The following POC1A variants were observed in gnomAD, a reference collection of about 807,000 sequenced individuals.
The protein encoded by POC1A is POC1 centriolar protein A.
POC1A carries 34 observed loss-of-function variants against 47.8 expected under a neutral mutation model. That is an observed-to-expected ratio of 0.71 (90% CI 0.54 to 0.95). The LOEUF is 0.95. Among genes scored for constraint, POC1A ranks in the 40% least tolerant of loss-of-function variants. The pLI, the probability that POC1A is intolerant of heterozygous loss-of-function variation, is 0.00. For missense variants in POC1A, 466 were observed against 528.3 expected (o/e 0.88, Z 1.16); for synonymous variants, 177 against 207.6 (o/e 0.85, Z 1.27).
chr3:52,154,375 C>A lies in POC1A; in HGVS notation c.-3G>T. 1 of 1,487,154 alleles carries A rather than the reference C, an allele frequency of 6.7e-7. No homozygotes were observed. The highest frequency in any genetic ancestry group is 2.8e-5 in the East Asian group (1 of 35,378). 92.1% of individuals were successfully genotyped at this position (1,487,154 alleles called of 1,614,324 possible). A position where few individuals can be genotyped will look rare whatever the true frequency, so the allele number is the denominator to read the frequency against. On this transcript the variant is annotated 5_prime_UTR_variant, in exon 1 of 11. Transcript: ENST00000296484. ...CTTACCGCGCAGGGCGCAGCCATGGCGGGGCTGGCGGCGCCGAAGGCAGCT... is the reference window on the plus strand; with the variant it reads ...CTTACCGCGCAGGGCGCAGCCATGGAGGGGCTGGCGGCGCCGAAGGCAGCT...
At chr3:52,103,785 C>T (rs960149410) in intron 9 of POC1A, among the ~76,000 whole-genome samples, 2 of 151,884 alleles carry the variant, frequency 1.3e-5, no homozygotes, top group African/African-American at 4.8e-5. Flanking sequence ...AAAACCACAG[C>T]GACATACAAC....
intron 7 of POC1A, among the ~76,000 whole-genome samples, chr3:52,137,079 G>A (rs568619979): frequency 1.3e-5 from 2 of 152,238 alleles, no homozygotes; most frequent in South Asian, 2.1e-4. Context: ...GCTTACACCA[G>A]GGCCAGCAGC....
intron 9 of POC1A, among the ~76,000 whole-genome samples, chr3:52,100,042 C>T (rs1422848861): frequency 6.6e-6 from 1 of 152,160 alleles, no homozygotes; most frequent in Non-Finnish European, 1.5e-5. Context: ...CAGGTGTCTC[C>T]TCTCATGCCA....
intron 5 of POC1A, 44 bp downstream of exon 5, chr3:52,146,944 G>A: frequency 6.6e-7 from 1 of 1,511,062 alleles, no homozygotes; most frequent in Non-Finnish European, 9.2e-7. Flanking sequence ...TCTGTGCTCT[G>A]TGCTTGAGCG....
intron 8 of POC1A, among the ~76,000 whole-genome samples, chr3:52,124,572 C>A (rs897075730): frequency 1.3e-5 from 2 of 152,178 alleles, no homozygotes. Context: ...GCTCCCAGGG[C>A]AGGAGAATGA....
chr3:52,082,274 G>A (rs1314875216), intron 10 of POC1A, among the ~76,000 whole-genome samples: 1 of 152,204 alleles, frequency 6.6e-6, no homozygotes, highest in Admixed American at 6.5e-5. Flanking sequence ...GCCTTGGCAG[G>A]ACCCAGGGTG....
intron 7 of POC1A, among the ~76,000 whole-genome samples, chr3:52,134,936 C>A (rs555214698): frequency 6.6e-6 from 1 of 152,218 alleles, no homozygotes; most frequent in Non-Finnish European, 1.5e-5. Context: ...ATAGCAGCTG[C>A]GCTCCATCAG....
chr3:52,085,244 C>G (rs940822259), intron 10 of POC1A, among the ~76,000 whole-genome samples: 1 of 152,182 alleles, frequency 6.6e-6, no homozygotes, highest in African/African-American at 2.4e-5. Flanking sequence ...CTGGGCTCCT[C>G]CTGCACTAGG....
intron 9 of POC1A, among the ~76,000 whole-genome samples, 189 bp downstream of exon 9, chr3:52,122,190 G>C (rs1400041677): frequency 6.6e-6 from 1 of 152,174 alleles, no homozygotes; most frequent in Non-Finnish European, 1.5e-5. Flanking sequence ...TGTCTTATTC[G>C]TTCACTCTAG....
chr3:52,139,912 C>T (rs1184267236), intron 6 of POC1A, among the ~76,000 whole-genome samples: 1 of 152,056 alleles, frequency 6.6e-6, no homozygotes, highest in Non-Finnish European at 1.5e-5. Context: ...TCACAGCCTC[C>T]TAGGGTGCCT....
At chr3:52,106,246 G>C (rs137881112) in intron 9 of POC1A, among the ~76,000 whole-genome samples, 8 of 151,096 alleles carry the variant, frequency 5.3e-5, no homozygotes, top group Non-Finnish European at 1.0e-4. Context: ...AGTCCACACG[G>C]TAACCTCCAA....
At chr3:52,100,875 G>A (rs563167520) in intron 9 of POC1A, among the ~76,000 whole-genome samples, 2 of 152,204 alleles carry the variant, frequency 1.3e-5, no homozygotes, top group Admixed American at 1.3e-4. Context: ...CCCTGTAGAA[G>A]AGCATCCTGA....
At chr3:52,114,514 CA>C (rs1254171038) in intron 9 of POC1A, among the ~76,000 whole-genome samples, 2 of 152,202 alleles carry the variant, frequency 1.3e-5, no homozygotes, top group African/African-American at 4.8e-5. Context: ...TTATCTGTCC[CA>C]GGGGTGAGGA....
chr3:52,136,977 T>C (rs1704495374), intron 7 of POC1A, among the ~76,000 whole-genome samples: 1 of 152,222 alleles, frequency 6.6e-6, no homozygotes, highest in African/African-American at 2.4e-5. Context: ...AGCATTCACA[T>C]GATTTTCAAA....
chr3:52,128,714 C>T (rs1040350474), intron 7 of POC1A, among the ~76,000 whole-genome samples: 4 of 152,198 alleles, frequency 2.6e-5, no homozygotes, highest in Non-Finnish European at 5.9e-5. Flanking sequence ...TCCTCCCTGC[C>T]CTAGTGCTCC....
chr3:52,141,782 A>T (rs186745022), intron 6 of POC1A, among the ~76,000 whole-genome samples: 1 of 152,136 alleles, frequency 6.6e-6, no homozygotes, highest in Admixed American at 6.5e-5. Context: ...TGAGCTCAGG[A>T]GTTCAAGACC....
intron 9 of POC1A, among the ~76,000 whole-genome samples, chr3:52,102,969 A>G (rs1208398952): frequency 6.6e-6 from 1 of 152,208 alleles, no homozygotes; most frequent in East Asian, 1.9e-4. Flanking sequence ...TTAGTCTAAA[A>G]CTATATTAAC....
intron 8 of POC1A, among the ~76,000 whole-genome samples, chr3:52,124,421 G>A (rs1703917838): frequency 6.6e-6 from 1 of 152,216 alleles, no homozygotes; most frequent in Non-Finnish European, 1.5e-5. Context: ...ACAGGCTGAA[G>A]CCTCAGAGCA....
intron 4 of POC1A, among the ~76,000 whole-genome samples, chr3:52,148,653 G>A (rs572254203): frequency 4.6e-5 from 7 of 152,286 alleles, no homozygotes; most frequent in East Asian, 1.9e-4. Flanking sequence ...CGAAGCCTGC[G>A]CCCCCATCTG....
Sources: gnomAD v4.1 joint callset for allele counts (sites outside exome capture counted in the v4.1 genomes callset) on GRCh38, gnomAD v4.1.1 for gene constraint, MANE v1.5 for transcripts, NCBI Gene and HGNC (gene_info 2026-07-23, HGNC 2026-07-21) for gene names.